The following CSMD1 variants were observed in gnomAD, a reference collection of about 807,000 sequenced individuals.
The protein encoded by CSMD1 is CUB and sushi domain-containing protein 1.
In CSMD1, 213 loss-of-function variants were observed where a neutral mutation model predicts 417.5. The observed-to-expected ratio is 0.51, with a 90% CI of 0.46 to 0.57. The LOEUF (loss-of-function observed/expected upper bound fraction) is 0.57. Ranked by LOEUF, CSMD1 falls within the 20% of genes least tolerant of loss-of-function variation. The pLI, the probability that CSMD1 is intolerant of heterozygous loss-of-function variation, is 0.00. For missense variants in CSMD1, 6,923 were observed against 4,529.7 expected, an observed-to-expected ratio of 1.53 and a Z score of -15.17; for synonymous variants, 2,862 against 1,736.8, an observed-to-expected ratio of 1.65 and a Z score of -16.11.
At chr8:4,142,006 T>A (rs13279843) in intron 3 of CSMD1, among the ~76,000 whole-genome samples, 45,185 of 150,568 alleles carry the variant, frequency 0.3, 8,409 homozygotes, top group Non-Finnish European at 0.39. Flanking sequence ...ATATATTCAA[T>A]GATGTTCCAA....
chr8:3,016,735 A>G (rs1808866942), intron 52 of CSMD1, among the ~76,000 whole-genome samples: 1 of 152,154 alleles, frequency 6.6e-6, no homozygotes, highest in East Asian at 1.9e-4. Context: ...TTTATATATT[A>G]TAACCTGGGC....
In CSMD1 at chr8:4,188,181, G is replaced by A. The variant is rs1003536729; in HGVS notation, c.416-156082C>T. Reference sequence around the variant, plus strand: ...TTAAATTGCACGTCATTCTTCTAACGATGATTTTGGCAGGAAGGGACAATT... The same window carrying A: ...TTAAATTGCACGTCATTCTTCTAACAATGATTTTGGCAGGAAGGGACAATT... On this transcript the variant is annotated intron_variant, in intron 3 of 69. Transcript: ENST00000635120. Among the ~76,000 whole-genome samples the A allele has an allele frequency of 3.3e-5, 5 of 151,970 alleles. No homozygotes were observed. The South Asian group carries it at 6.2e-4, about 19-fold the overall frequency.
chr8:3,583,783 C>T lies in CSMD1; in HGVS notation c.1222+2353G>A, dbSNP rs747328315. ...GAGCGTGTGGCTGCGCAGCCATGCC[C>T]TGAAACCTCAGAGTGACTGTAAGGT... On this transcript the variant is annotated intron_variant, in intron 9 of 69. Transcript: ENST00000635120. Among the ~76,000 whole-genome samples the T allele has an allele frequency of 3.3e-5, 5 of 152,148 alleles. No homozygotes were observed. The South Asian group carries it at 1.0e-3, about 32-fold the overall frequency.
At chr8:4,586,364 G>C (rs969081486) in intron 2 of CSMD1, among the ~76,000 whole-genome samples, 1 of 152,150 alleles carries the variant, frequency 6.6e-6, no homozygotes, top group South Asian at 2.1e-4. Context: ...CTCTCACAGA[G>C]TGTTGATTTT....
chr8:4,717,663 G>A (rs1349967812), intron 1 of CSMD1, among the ~76,000 whole-genome samples: 1 of 151,898 alleles, frequency 6.6e-6, no homozygotes, highest in African/African-American at 2.4e-5. Flanking sequence ...TGAGTGGGAA[G>A]GAATTTACAG....
chr8:4,383,702 A>C (rs1584990844), intron 3 of CSMD1, among the ~76,000 whole-genome samples: 1 of 152,314 alleles, frequency 6.6e-6, no homozygotes, highest in East Asian at 1.9e-4. Context: ...TGGGAAACCT[A>C]ATAAAAACCC....
At chr8:4,420,568 G>T (rs185445498) in intron 2 of CSMD1, among the ~76,000 whole-genome samples, 1 of 152,178 alleles carries the variant, frequency 6.6e-6, no homozygotes, top group South Asian at 2.1e-4. Flanking sequence ...GGTAAAGCAT[G>T]TGAATGTGTG....
intron 6 of CSMD1, among the ~76,000 whole-genome samples, chr8:3,718,144 T>A (rs1207774961): frequency 2.6e-5 from 4 of 152,222 alleles, no homozygotes; most frequent in Non-Finnish European, 4.4e-5. Context: ...GGGATAAATC[T>A]ATTATTGTCT....
chr8:4,450,958 T>C (rs189523404), intron 2 of CSMD1, among the ~76,000 whole-genome samples: 23 of 152,170 alleles, frequency 1.5e-4, no homozygotes, highest in African/African-American at 1.9e-4. Flanking sequence ...AACTAAGATC[T>C]ACAGTAACGT....
At chr8:3,289,492 T>C (rs1348865565) in intron 25 of CSMD1, among the ~76,000 whole-genome samples, 2 of 147,222 alleles carry the variant, frequency 1.4e-5, no homozygotes, top group Non-Finnish European at 2.9e-5. Flanking sequence ...CACCTGTTTT[T>C]TCCTGACTTG....
intron 3 of CSMD1, among the ~76,000 whole-genome samples, chr8:4,066,015 C>A (rs1444140718): frequency 1.3e-5 from 2 of 152,264 alleles, no homozygotes; most frequent in Admixed American, 6.5e-5. Flanking sequence ...CACGAATATC[C>A]TTGGAGGAAG....
chr8:3,264,939 A>G (rs1333337594), intron 26 of CSMD1, among the ~76,000 whole-genome samples: 1 of 152,104 alleles, frequency 6.6e-6, no homozygotes, highest in Non-Finnish European at 1.5e-5. Flanking sequence ...TAGCTTATAT[A>G]TTCTTTAATA....
chr8:3,426,044 C>G (rs1017757276), intron 12 of CSMD1, among the ~76,000 whole-genome samples: 1 of 152,148 alleles, frequency 6.6e-6, no homozygotes, highest in Non-Finnish European at 1.5e-5. Context: ...CTGTGCCAAT[C>G]TGAAAATATT....
At chr8:4,139,890 G>C (rs934938070) in intron 3 of CSMD1, among the ~76,000 whole-genome samples, 2 of 150,982 alleles carry the variant, frequency 1.3e-5, no homozygotes, top group African/African-American at 5.0e-5. Flanking sequence ...TCAGAAGCAA[G>C]GGTGGAAGGG....
intron 7 of CSMD1, among the ~76,000 whole-genome samples, chr8:3,620,633 G>A (rs968891620): frequency 7.2e-5 from 11 of 151,944 alleles, no homozygotes; most frequent in African/African-American, 2.7e-4. Flanking sequence ...TATCTCCATG[G>A]AAACCATAAA....
intron 12 of CSMD1, among the ~76,000 whole-genome samples, chr8:3,420,081 A>G (rs1440652108): frequency 2.0e-5 from 3 of 152,186 alleles, no homozygotes; most frequent in African/African-American, 7.2e-5. Context: ...TGCTATTATT[A>G]TTAACATCAT....
At chr8:4,716,119 G>A (rs1331031603) in intron 1 of CSMD1, among the ~76,000 whole-genome samples, 1 of 152,162 alleles carries the variant, frequency 6.6e-6, no homozygotes, top group African/African-American at 2.4e-5. Flanking sequence ...GACTCACAGA[G>A]CTGTGAGATG....
At chr8:4,621,024 A>T (rs2130814571) in intron 2 of CSMD1, among the ~76,000 whole-genome samples, 1 of 152,202 alleles carries the variant, frequency 6.6e-6, no homozygotes, top group African/African-American at 2.4e-5. Flanking sequence ...GCAATATCAA[A>T]AATGAAAAAT....
At chr8:4,058,311 T>C (rs1285847566) in intron 3 of CSMD1, among the ~76,000 whole-genome samples, 1 of 152,088 alleles carries the variant, frequency 6.6e-6, no homozygotes, top group East Asian at 1.9e-4. Context: ...GAATGGGAGT[T>C]CACTCACGAT....
Sources: allele counts gnomAD v4.1 joint callset (sites outside exome capture counted in the v4.1 genomes callset), GRCh38; gene constraint gnomAD v4.1.1; transcripts MANE v1.5; gene names NCBI Gene and HGNC (gene_info 2026-07-23, HGNC 2026-07-21).